Variants in GRID2 observed in about 807,000 individuals in gnomAD.
GRID2 encodes the protein glutamate ionotropic receptor delta type subunit 2.
GRID2 carries 33 observed loss-of-function variants against 114.8 expected under a neutral mutation model. That is an observed-to-expected ratio of 0.29 (90% CI 0.22 to 0.38). The LOEUF (loss-of-function observed/expected upper bound fraction) is 0.38. GRID2 is among the 10% of genes least tolerant of loss of function. The pLI is 1.00. For missense variants in GRID2, 1,184 were observed against 1,257.7 expected (o/e 0.94, Z 0.89); for synonymous variants, 505 against 449.9 (o/e 1.12, Z -1.55).
intron 13 of GRID2, among the ~76,000 whole-genome samples, chr4:93,530,192 C>A (rs1396820844): frequency 1.3e-5 from 2 of 152,032 alleles, no homozygotes; most frequent in Admixed American, 1.3e-4. Flanking sequence ...CTAATTGGCC[C>A]CCTCCTGCAA....
intron 13 of GRID2, among the ~76,000 whole-genome samples, chr4:93,529,901 A>G (rs766084770): frequency 3.3e-5 from 5 of 152,090 alleles, no homozygotes; most frequent in Non-Finnish European, 5.9e-5. Context: ...TGCCAGCCAT[A>G]TGTCTAACAC....
chr4:93,354,360 G>A (rs1311838223), intron 8 of GRID2, among the ~76,000 whole-genome samples: 2 of 151,868 alleles, frequency 1.3e-5, no homozygotes, highest in Non-Finnish European at 2.9e-5. Context: ...ACTAATTATT[G>A]AGAAATAAAG....
intron 14 of GRID2, among the ~76,000 whole-genome samples, chr4:93,747,474 G>C (rs1405216890): frequency 6.6e-6 from 1 of 152,092 alleles, no homozygotes; most frequent in Non-Finnish European, 1.5e-5. Context: ...CCCATTGCTT[G>C]TTATTGCTCT....
At chr4:93,233,058 T>C (rs569837903) in intron 7 of GRID2, among the ~76,000 whole-genome samples, 2 of 152,210 alleles carry the variant, frequency 1.3e-5, no homozygotes, top group East Asian at 1.9e-4. Flanking sequence ...TTAGGCTAAG[T>C]ATGCATTAGC....
intron 14 of GRID2, among the ~76,000 whole-genome samples, chr4:93,664,267 A>T (rs372718506): frequency 6.6e-6 from 1 of 152,332 alleles, no homozygotes; most frequent in South Asian, 2.1e-4. Context: ...ATCATTTACA[A>T]CTTTAATAGC....
intron 8 of GRID2, among the ~76,000 whole-genome samples, chr4:93,309,590 T>C (rs1037113337): frequency 1.3e-5 from 2 of 151,894 alleles, no homozygotes; most frequent in African/African-American, 2.4e-5. Context: ...AATTAATGAA[T>C]GAAACTGGAG....
At chr4:93,265,348 T>C (rs145194497) in intron 8 of GRID2, among the ~76,000 whole-genome samples, 4 of 152,330 alleles carry the variant, frequency 2.6e-5, no homozygotes, top group Admixed American at 6.5e-5. Context: ...CATTTAATTC[T>C]TTACTTCCTA....
chr4:92,878,852 CA>C (rs1270723639), intron 2 of GRID2, among the ~76,000 whole-genome samples: 1 of 152,014 alleles, frequency 6.6e-6, no homozygotes, highest in Admixed American at 6.5e-5. Context: ...AAATCTCTAG[CA>C]AGAGTTCAAA....
At chr4:93,548,104 G>C (rs945091411) in intron 13 of GRID2, among the ~76,000 whole-genome samples, 1 of 152,024 alleles carries the variant, frequency 6.6e-6, no homozygotes, top group African/African-American at 2.4e-5. Context: ...TTCAACCCGG[G>C]AGACGGAGGT....
rs984806401 is a variant in GRID2 at position 92,938,357 on chromosome 4, C to CA, written c.245-146631dup. ...TTCTGGTTTTGTTTCACAAGAATTT[C>CA]AAAAAAACTATTATAAACCATCTTT... On this transcript the variant is annotated intron_variant, in intron 2 of 15. Transcript: ENST00000282020. Among the ~76,000 whole-genome samples the CA allele has an allele frequency of 1.0e-3, 153 of 146,110 alleles. 12 individuals are homozygous for CA. The highest frequency in any genetic ancestry group is 2.2e-4 in the East Asian group (1 of 4,608).
intron 2 of GRID2, among the ~76,000 whole-genome samples, chr4:93,001,522 A>G (rs1002412877): frequency 6.6e-5 from 10 of 151,928 alleles, no homozygotes; most frequent in Admixed American, 5.9e-4. Context: ...AATACTTTGC[A>G]TAATAGTGAG....
intron 2 of GRID2, among the ~76,000 whole-genome samples, chr4:93,076,528 G>A (rs956299385): frequency 1.3e-5 from 2 of 149,398 alleles, no homozygotes; most frequent in Admixed American, 6.7e-5. Context: ...TATAATGAAA[G>A]TGAAATTATC....
rs988758586 is a variant in GRID2, at chr4:93,144,722, A to G, written c.735+33769A>G. Among the ~76,000 whole-genome samples, 9 of 138,734 alleles carry G rather than the reference A, an allele frequency of 6.5e-5. No individual in the cohort carries two copies. In the Admixed American group the frequency reaches 7.0e-4, roughly 11 times the overall value. The allele number at this position is 138,734 out of a possible 152,430, so 91.0% of individuals were successfully genotyped here. A position where few individuals can be genotyped will look rare whatever the true frequency, so the allele number is the denominator to read the frequency against. Reference sequence around the variant, plus strand: ...GGGTTTCTTCATAGTTTTAATATTTAAAAATAAATGGCTTCTGTTGCTTAA... The same window carrying G: ...GGGTTTCTTCATAGTTTTAATATTTGAAAATAAATGGCTTCTGTTGCTTAA... On this transcript the variant is annotated intron_variant, in intron 4 of 15. Transcript: ENST00000282020.
intron 2 of GRID2, among the ~76,000 whole-genome samples, chr4:92,754,883 T>A (rs1438799579): frequency 1.3e-5 from 2 of 152,222 alleles, no homozygotes; most frequent in African/African-American, 4.8e-5. Flanking sequence ...TTATATCTCA[T>A]TTTCATTTAC....
intron 3 of GRID2, among the ~76,000 whole-genome samples, chr4:93,085,774 T>G (rs566826046): frequency 6.6e-6 from 1 of 152,192 alleles, no homozygotes; most frequent in Admixed American, 6.5e-5. Context: ...CTCCTTGGAG[T>G]CACTAAAATT....
intron 2 of GRID2, among the ~76,000 whole-genome samples, chr4:92,774,214 T>C (rs1738677641): frequency 6.6e-6 from 1 of 151,796 alleles, no homozygotes. Flanking sequence ...ACAGGAAAAG[T>C]AGGGACAGGG....
intron 2 of GRID2, among the ~76,000 whole-genome samples, chr4:92,867,499 G>A (rs1744956169): frequency 3.3e-5 from 5 of 151,858 alleles, no homozygotes; most frequent in Admixed American, 3.3e-4. Context: ...AATTTAGCTT[G>A]AGTACTCCAG....
At chr4:92,633,375 C>T (rs1250875120) in intron 2 of GRID2, among the ~76,000 whole-genome samples, 1 of 151,988 alleles carries the variant, frequency 6.6e-6, no homozygotes, top group Non-Finnish European at 1.5e-5. Context: ...GCAAATGGTG[C>T]ATTTTAGAAC....
intron 8 of GRID2, among the ~76,000 whole-genome samples, chr4:93,289,073 T>A (rs1165254731): frequency 1.3e-5 from 2 of 152,248 alleles, no homozygotes; most frequent in Non-Finnish European, 2.9e-5. Context: ...TGGGTAAGAC[T>A]ATTTTTTAAA....
Sources: gnomAD v4.1 joint callset for allele counts (sites outside exome capture counted in the v4.1 genomes callset) on GRCh38, gnomAD v4.1.1 for gene constraint, MANE v1.5 for transcripts, NCBI Gene and HGNC (gene_info 2026-07-23, HGNC 2026-07-21) for gene names.